Variants in JAZF1 observed in about 807,000 individuals in gnomAD.
JAZF1 encodes JAZF zinc finger 1, also known as juxtaposed with another zinc finger protein 1.
JAZF1 carries 8 observed loss-of-function variants against 26.4 expected under a neutral mutation model. The ratio of observed to expected loss-of-function variants is 0.30; its 90% CI spans 0.18 to 0.55. JAZF1 has a LOEUF of 0.55. JAZF1 is among the 20% of genes least tolerant of loss of function. JAZF1 has a pLI of 0.94. For synonymous variants in JAZF1, 126 were observed against 122.3 expected (o/e 1.03, Z -0.20); for missense variants, 199 against 322.0 (o/e 0.62, Z 2.92).
At chr7:27,902,111 T>C (rs1562524068) in intron 2 of JAZF1, among the ~76,000 whole-genome samples, 1 of 152,348 alleles carries the variant, frequency 6.6e-6, no homozygotes, top group African/African-American at 2.4e-5. Flanking sequence ...ACAGATTTTA[T>C]TGTATTTACT....
chr7:27,846,496 G>T (rs1380419179), intron 3 of JAZF1: 1 of 470,918 alleles, frequency 2.1e-6, no homozygotes, highest in African/African-American at 2.0e-5. Context: ...CTGCTGTAAT[G>T]CTGGGAGAAC....
At chr7:27,899,941 G>T (rs1185503738) in intron 2 of JAZF1, among the ~76,000 whole-genome samples, 1 of 152,186 alleles carries the variant, frequency 6.6e-6, no homozygotes, top group Non-Finnish European at 1.5e-5. Context: ...TGGGGACTGG[G>T]GAAATGCAGT....
intron 1 of JAZF1, among the ~76,000 whole-genome samples, chr7:28,179,664 A>G (rs1783604661): frequency 6.7e-6 from 1 of 148,604 alleles, no homozygotes; most frequent in African/African-American, 2.4e-5. Flanking sequence ...CTCAGCCCGC[A>G]GCGCCCGGGC....
At chr7:28,145,364 G>T (rs1426414058) in intron 1 of JAZF1, among the ~76,000 whole-genome samples, 1 of 152,106 alleles carries the variant, frequency 6.6e-6, no homozygotes, top group African/African-American at 2.4e-5. Context: ...ATGAAAACAC[G>T]CCTAAGCACA....
At chr7:28,041,552 G>C (rs868434947) in intron 1 of JAZF1, among the ~76,000 whole-genome samples, 7 of 152,208 alleles carry the variant, frequency 4.6e-5, no homozygotes, top group African/African-American at 7.2e-5. Flanking sequence ...ACCGCTTCTT[G>C]TGCCTCTTTA....
chr7:27,836,782 C>A (rs2285929), intron 4 of JAZF1, among the ~76,000 whole-genome samples: 17,119 of 152,134 alleles, frequency 0.11, 1,041 homozygotes, highest in African/African-American at 0.14. Context: ...CTGTGTCCAG[C>A]AAGTTGGGTG....
At chr7:27,911,664 G>A (rs935993133) in intron 2 of JAZF1, among the ~76,000 whole-genome samples, 1 of 152,176 alleles carries the variant, frequency 6.6e-6, no homozygotes, top group Non-Finnish European at 1.5e-5. Context: ...GAGCAGTGCT[G>A]TTACAACTGA....
chr7:28,126,777 A>G (rs1218242689), intron 1 of JAZF1, among the ~76,000 whole-genome samples: 1 of 152,044 alleles, frequency 6.6e-6, no homozygotes, highest in African/African-American at 2.4e-5. Flanking sequence ...GAGGAAGAGG[A>G]GAGGGAAAGG....
chr7:28,115,589 T>C (rs1297738581), intron 1 of JAZF1, among the ~76,000 whole-genome samples: 2 of 152,250 alleles, frequency 1.3e-5, no homozygotes, highest in African/African-American at 4.8e-5. Context: ...CTTGGACATA[T>C]GTTGAATTGG....
chr7:28,038,628 ATAAC>A (rs1195481922), intron 1 of JAZF1, among the ~76,000 whole-genome samples: 16 of 152,334 alleles, frequency 1.1e-4, no homozygotes, highest in African/African-American at 3.8e-4. Flanking sequence ...CAAATATCAC[ATAAC>A]TAAAATTCCA....
At chr7:28,168,031 T>C (rs1783394697) in intron 1 of JAZF1, among the ~76,000 whole-genome samples, 1 of 151,844 alleles carries the variant, frequency 6.6e-6, no homozygotes, top group Non-Finnish European at 1.5e-5. Context: ...TTGGGTGGAG[T>C]GGAGCAGTTG....
chr7:28,078,983 G>A (rs910865647), intron 1 of JAZF1, among the ~76,000 whole-genome samples: 1 of 151,348 alleles, frequency 6.6e-6, no homozygotes, highest in Non-Finnish European at 1.5e-5. Context: ...AATCTAAAAT[G>A]CCCATAATTT....
chr7:27,942,767 G>A (rs1167066127), intron 2 of JAZF1, among the ~76,000 whole-genome samples: 11 of 152,142 alleles, frequency 7.2e-5, no homozygotes, highest in African/African-American at 2.2e-4. Flanking sequence ...TCCCCACACC[G>A]TTATGTGGCA....
chr7:27,909,496 C>T (rs543907099), intron 2 of JAZF1, among the ~76,000 whole-genome samples: 11 of 151,928 alleles, frequency 7.2e-5, no homozygotes, highest in Non-Finnish European at 1.3e-4. Context: ...CACCTGAGGT[C>T]GGGAGTTCGA....
chr7:28,029,818 C>G (rs1783159461), intron 1 of JAZF1, among the ~76,000 whole-genome samples: 2 of 152,178 alleles, frequency 1.3e-5, no homozygotes, highest in Non-Finnish European at 2.9e-5. Flanking sequence ...TACTCAGGTA[C>G]TGGCTACAGT....
intron 3 of JAZF1, among the ~76,000 whole-genome samples, chr7:27,894,654 G>A (rs892222522): frequency 1.3e-5 from 2 of 152,176 alleles, no homozygotes; most frequent in African/African-American, 4.8e-5. Context: ...TACTTGATTG[G>A]TGAATAGGTG....
At chr7:28,049,875 AC>A (rs1283206785) in intron 1 of JAZF1, among the ~76,000 whole-genome samples, 1 of 152,134 alleles carries the variant, frequency 6.6e-6, no homozygotes, top group Non-Finnish European at 1.5e-5. Flanking sequence ...TTCTATGTTC[AC>A]CACCCCAGAA....
In JAZF1 at chr7:28,104,058, G is replaced by A. The variant is rs527530024; in HGVS notation, c.115+76405C>T. On this transcript the variant is annotated intron_variant, in intron 1 of 4. Transcript: ENST00000283928. ...CTCCCTGCAGTTCCTCCAGCACACC[G>A]GGCAGGCTCCCACCTCAGGGCCCCA... Among the ~76,000 whole-genome samples the A allele has an allele frequency of 2.6e-5, 4 of 152,218 alleles. No homozygotes were observed. In the South Asian group the frequency reaches 6.2e-4, roughly 24 times the overall value.
At chr7:28,008,197 T>A (rs1018405771) in intron 1 of JAZF1, among the ~76,000 whole-genome samples, 1 of 152,096 alleles carries the variant, frequency 6.6e-6, no homozygotes. Flanking sequence ...GAATCATACA[T>A]TTTAATTATT....
Sources: gnomAD v4.1 joint callset for allele counts (sites outside exome capture counted in the v4.1 genomes callset) on GRCh38, gnomAD v4.1.1 for gene constraint, MANE v1.5 for transcripts, NCBI Gene and HGNC (gene_info 2026-07-23, HGNC 2026-07-21) for gene names.